The following RELN variants were observed in gnomAD, a reference collection of about 807,000 sequenced individuals.
RELN encodes reelin.
RELN carries 108 observed loss-of-function variants against 427.6 expected under a neutral mutation model. The ratio of observed to expected loss-of-function variants is 0.25; its 90% CI spans 0.22 to 0.30. The LOEUF (loss-of-function observed/expected upper bound fraction) is 0.30. RELN is among the 10% of genes least tolerant of loss of function. The pLI, the probability that RELN is intolerant of heterozygous loss-of-function variation, is 1.00. For synonymous variants in RELN, 1,524 were observed against 1,513.4 expected (o/e 1.01, Z -0.16); for missense variants, 3,715 against 4,302.8 (o/e 0.86, Z 3.82).
chr7:103,491,390 TTAAAATA>T (rs1233677927), intron 58 of RELN, among the ~76,000 whole-genome samples: 1 of 152,174 alleles, frequency 6.6e-6, no homozygotes, highest in Non-Finnish European at 1.5e-5. Flanking sequence ...TTGATAAAAT[TTAAAATA>T]TAAAGTTTCT....
At chr7:103,746,097 C>T (rs1194211647) in intron 6 of RELN, among the ~76,000 whole-genome samples, 1 of 152,044 alleles carries the variant, frequency 6.6e-6, no homozygotes, top group Non-Finnish European at 1.5e-5. Flanking sequence ...GAACAGAGCC[C>T]TCAGAAATAA....
intron 4 of RELN, among the ~76,000 whole-genome samples, chr7:103,760,476 A>C (rs1374280077): frequency 1.3e-5 from 2 of 152,162 alleles, no homozygotes; most frequent in Admixed American, 1.3e-4. Flanking sequence ...TGACTCCAAA[A>C]TATAGCAGCA....
intron 2 of RELN, among the ~76,000 whole-genome samples, chr7:103,890,543 C>T (rs1794824309): frequency 1.2e-5 from 1 of 84,394 alleles, no homozygotes. Flanking sequence ...ATGTAATGTG[C>T]TTGAATCATC....
At chr7:103,630,868 T>TC (rs1342679949) in intron 19 of RELN, among the ~76,000 whole-genome samples, 1 of 149,718 alleles carries the variant, frequency 6.7e-6, no homozygotes, top group Non-Finnish European at 1.5e-5. Flanking sequence ...TTGTTTTTTT[T>TC]TTTTTTGTTT....
At chr7:103,965,998 C>A (rs1329765722) in intron 1 of RELN, among the ~76,000 whole-genome samples, 1 of 152,108 alleles carries the variant, frequency 6.6e-6, no homozygotes, top group African/African-American at 2.4e-5. Flanking sequence ...ACATTATTGA[C>A]AGATTCTTAG....
chr7:103,896,083 A>G (rs1437578011), intron 2 of RELN, among the ~76,000 whole-genome samples: 1 of 152,120 alleles, frequency 6.6e-6, no homozygotes, highest in African/African-American at 2.4e-5. Context: ...AAAAGTGCTC[A>G]GTATCAATAG....
chr7:103,547,173 T>A (rs1401629373), intron 41 of RELN, among the ~76,000 whole-genome samples: 1 of 152,230 alleles, frequency 6.6e-6, no homozygotes, highest in Non-Finnish European at 1.5e-5. Flanking sequence ...AATAGTTTTC[T>A]GTTTGAGAAA....
intron 40 of RELN, among the ~76,000 whole-genome samples, chr7:103,551,937 G>GT (rs879412868): frequency 0.049 from 6,873 of 141,326 alleles, 186 homozygotes; most frequent in South Asian, 0.14. Context: ...GTGTGTGTGT[G>GT]GGTGTGTGTG....
chr7:103,861,538 G>A (rs146631202), intron 2 of RELN, among the ~76,000 whole-genome samples: 2 of 152,230 alleles, frequency 1.3e-5, no homozygotes, highest in East Asian at 1.9e-4. Flanking sequence ...CAGTAAGGCT[G>A]GCCATTTTGA....
At chr7:103,806,365 C>A (rs546300500) in intron 3 of RELN, among the ~76,000 whole-genome samples, 1 of 152,164 alleles carries the variant, frequency 6.6e-6, no homozygotes, top group South Asian at 2.1e-4. Context: ...CGCTCTGTCA[C>A]CCAGAATGGA....
intron 41 of RELN, among the ~76,000 whole-genome samples, chr7:103,550,228 C>A (rs362783): frequency 0.011 from 1,712 of 152,264 alleles, 15 homozygotes; most frequent in Middle Eastern, 0.051. Flanking sequence ...CACTTTCACC[C>A]TTTTGGAAAA....
chr7:103,972,800 C>T (rs1227801088), intron 1 of RELN, among the ~76,000 whole-genome samples: 4 of 152,006 alleles, frequency 2.6e-5, no homozygotes, highest in Non-Finnish European at 5.9e-5. Context: ...ACACAGTTTG[C>T]ATTTCATATG....
intron 3 of RELN, among the ~76,000 whole-genome samples, chr7:103,801,344 A>G (rs927457652): frequency 2.0e-5 from 3 of 152,214 alleles, no homozygotes; most frequent in Non-Finnish European, 2.9e-5. Context: ...ATGTCCATCA[A>G]TGATAGACTG....
rs200917675 is a variant in RELN, at chr7:103,483,861, C to T, written c.9984-11G>A. ...ACAAACATGATTTTGCTGAAAAACA[C>T]AGGGAAATCATCTTTATTTTTATTT... is the stretch of plus-strand genomic sequence containing the variant. On this transcript the variant is annotated splice_polypyrimidine_tract_variant and intron_variant, in intron 61 of 64. Coordinates refer to ENST00000428762, the MANE Select transcript of RELN (RefSeq NM_005045.4). 2 of 1,612,712 alleles carry T rather than the reference C, an allele frequency of 1.2e-6. No homozygotes were observed. The highest frequency in any genetic ancestry group is 1.7e-6 in the Non-Finnish European group (2 of 1,179,072).
At chr7:103,932,428 A>G (rs1248026194) in intron 1 of RELN, among the ~76,000 whole-genome samples, 1 of 152,148 alleles carries the variant, frequency 6.6e-6, no homozygotes, top group Admixed American at 6.5e-5. Context: ...GAAAACAACA[A>G]CCATTGGGAA....
Position 103,540,205 on chromosome 7 carries a change from T to A in RELN, c.6922A>T (p.Ile2308Phe). ...ATCCTGAAGGGACTGACCTGATCGA[T>A]AACCCAGGGGCTGTAGAAGTGCCCA... is the stretch of plus-strand genomic sequence containing the variant. ...ENGHFYSPWV[I>F]DQILIGGNIS... Residue 2308 changes from isoleucine to phenylalanine, a missense_variant, in exon 44 of 65, where the codon ATC (isoleucine) becomes TTC (phenylalanine). Around this residue, in one of 4 missense-constraint regions of RELN, gnomAD observed 1,310 missense variants for 1,643.0 expected, o/e 0.80. Transcript: ENST00000428762. 6.2e-7 allele frequency: 1 copy of A among 1,614,194 alleles called. No individual in the cohort carries two copies.
chr7:103,938,319 C>T lies in RELN; in HGVS notation c.227-21134G>A, dbSNP rs527585682. ...CAAAAAAAGAAAAAAAAAGAAAAACCCTAGTTTCTGAAATTAAGGCTTCCT... is the reference window on the plus strand; with the variant it reads ...CAAAAAAAGAAAAAAAAAGAAAAACTCTAGTTTCTGAAATTAAGGCTTCCT... On this transcript the variant is annotated intron_variant, in intron 1 of 64. Transcript: ENST00000428762. Among the ~76,000 whole-genome samples, 8 of 152,044 alleles carry T rather than the reference C, an allele frequency of 5.3e-5. 1 individual carries two copies. In the South Asian group the frequency reaches 1.2e-3, roughly 24 times the overall value.
At chr7:103,794,923 A>C (rs917140015) in intron 3 of RELN, among the ~76,000 whole-genome samples, 5 of 152,168 alleles carry the variant, frequency 3.3e-5, no homozygotes, top group Admixed American at 2.0e-4. Context: ...CCCATATCAA[A>C]ATTTCAATAT....
intron 2 of RELN, among the ~76,000 whole-genome samples, chr7:103,913,009 G>A (rs926797264): frequency 1.3e-5 from 2 of 152,074 alleles, no homozygotes; most frequent in Non-Finnish European, 2.9e-5. Flanking sequence ...CAAGTAAAAT[G>A]AGGTATTTCA....
Sources: gnomAD v4.1 joint callset for allele counts (sites outside exome capture counted in the v4.1 genomes callset) on GRCh38, gnomAD v4.1.1 for gene constraint, gnomAD v4.1.1 regional missense constraint, MANE v1.5 for transcripts, NCBI Gene and HGNC (gene_info 2026-07-23, HGNC 2026-07-21) for gene names.